The following FAF2 variants were observed in gnomAD, a reference collection of about 807,000 sequenced individuals.
FAF2 encodes the protein Fas associated factor family member 2.
Under a neutral mutation model 62.3 loss-of-function variants are expected in FAF2, and 9 were observed. The observed-to-expected ratio is 0.14, with a 90% CI of 0.09 to 0.25. FAF2 has a LOEUF of 0.25. Ranked by LOEUF, FAF2 falls within the 10% of genes least tolerant of loss-of-function variation. The pLI is 1.00. For synonymous variants in FAF2, 202 were observed against 198.0 expected, an observed-to-expected ratio of 1.02 and a Z score of -0.17; for missense variants, 368 against 556.2, an observed-to-expected ratio of 0.66 and a Z score of 3.40.
intron 1 of FAF2, among the ~76,000 whole-genome samples, chr5:176,459,000 C>G (rs149912561): frequency 3.2e-4 from 49 of 152,182 alleles, no homozygotes; most frequent in African/African-American, 1.2e-3. Flanking sequence ...TAGTAATTGT[C>G]ATAATAATAA....
At chr5:176,489,954 C>T (rs1758945364) in intron 4 of FAF2, among the ~76,000 whole-genome samples, 1 of 152,160 alleles carries the variant, frequency 6.6e-6, no homozygotes, top group South Asian at 2.1e-4. Flanking sequence ...TTCTAGCTTC[C>T]TTCATGTACC....
chr5:176,468,380 C>G (rs999090590), intron 1 of FAF2, among the ~76,000 whole-genome samples: 2 of 151,980 alleles, frequency 1.3e-5, no homozygotes, highest in Admixed American at 1.3e-4. Flanking sequence ...GCCAGGAGAT[C>G]AAGACCATCC....
At chr5:176,499,159 A>G (rs1755550135) in intron 9 of FAF2, 74 bp downstream of exon 9, 2 of 1,405,752 alleles carry the variant, frequency 1.4e-6, no homozygotes, top group Non-Finnish European at 9.4e-7. Flanking sequence ...TTAAGTGTGA[A>G]AGGAAAAAAT....
chr5:176,451,890 ATATTTTTTTTTTT>A (rs1414389260), intron 1 of FAF2, among the ~76,000 whole-genome samples: 425 of 34,120 alleles, frequency 0.012, 20 homozygotes, highest in African/African-American at 0.026. Flanking sequence ...ATATATATAT[ATATTTTTTTTTTT>A]TTTTTTTTTT....
At position 176,502,775 on chromosome 5, in the gene FAF2, C is replaced by T. The variant is rs931968576; in HGVS notation, c.1155+2629C>T. Among the ~76,000 whole-genome samples, 20 of 151,894 alleles carry T rather than the reference C, an allele frequency of 1.3e-4. No homozygotes were observed. The East Asian group carries it at 1.6e-3, about 12-fold the overall frequency. Reference sequence around the variant, plus strand: ...TTTTTAAAAAAGAGTATCGGCTGGGCGTGGTGGCTCATGCCTGTAATCCCA... The same window carrying T: ...TTTTTAAAAAAGAGTATCGGCTGGGTGTGGTGGCTCATGCCTGTAATCCCA... On this transcript the variant is annotated intron_variant, in intron 10 of 10. Coordinates refer to ENST00000261942, the MANE Select transcript of FAF2 (RefSeq NM_014613.3).
chr5:176,459,527 T>A (rs1758337979), intron 1 of FAF2, among the ~76,000 whole-genome samples: 1 of 152,092 alleles, frequency 6.6e-6, no homozygotes, highest in Non-Finnish European at 1.5e-5. Flanking sequence ...AGCTTCTTTT[T>A]TGTTTGTTTG....
intron 2 of FAF2, 129 bp downstream of exon 2, chr5:176,479,385 G>T: frequency 1.4e-6 from 1 of 726,482 alleles, no homozygotes; most frequent in Non-Finnish European, 2.3e-6. Context: ...AAAAATAAAA[G>T]TGCAGGAAGG....
intron 2 of FAF2, among the ~76,000 whole-genome samples, chr5:176,481,207 C>T (rs999228545): frequency 3.3e-5 from 5 of 151,946 alleles, no homozygotes; most frequent in Admixed American, 1.3e-4. Context: ...CCACCACGCC[C>T]GGCTAATTTT....
intron 1 of FAF2, among the ~76,000 whole-genome samples, chr5:176,458,200 C>A (rs1304084920): frequency 6.6e-6 from 1 of 152,038 alleles, no homozygotes. Flanking sequence ...TTCCAGCTCC[C>A]CTTCTTGCGT....
chr5:176,467,885 C>T (rs1227146057), intron 1 of FAF2, among the ~76,000 whole-genome samples: 1 of 152,164 alleles, frequency 6.6e-6, no homozygotes, highest in Non-Finnish European at 1.5e-5. Flanking sequence ...AACTAGAAGG[C>T]TGGGTGTGGT....
chr5:176,481,453 C>G (rs1289262849), intron 2 of FAF2, among the ~76,000 whole-genome samples: 3 of 152,024 alleles, frequency 2.0e-5, no homozygotes, highest in Admixed American at 6.5e-5. Context: ...GTCAGGAGAA[C>G]GAGATCATCC....
intron 1 of FAF2, among the ~76,000 whole-genome samples, chr5:176,455,465 A>C (rs1246087083): frequency 1.4e-4 from 21 of 151,220 alleles, no homozygotes; most frequent in Admixed American, 1.4e-3. Context: ...AAAAGTAAAA[A>C]ATAGCCAGGC....
At chr5:176,506,203 A>AC (rs1273141613) in intron 10 of FAF2, among the ~76,000 whole-genome samples, 1,846 of 144,344 alleles carry the variant, frequency 0.013, 35 homozygotes, top group African/African-American at 0.043. Context: ...AAAAAAAAAA[A>AC]AAACAAAAAA....
intron 4 of FAF2, among the ~76,000 whole-genome samples, chr5:176,491,048 C>T (rs1561825753): frequency 6.6e-6 from 1 of 152,110 alleles, no homozygotes; most frequent in East Asian, 1.9e-4. Flanking sequence ...ATTGTATACA[C>T]AGGGGGAATT....
rs1755567962 is a variant in FAF2, at chr5:176,499,982, CTT to C, written c.1012-19_1012-18del. The C allele has an allele frequency of 1.2e-6, 2 of 1,613,558 alleles. No individual in the cohort carries two copies. The highest frequency in any genetic ancestry group is 1.7e-6 in the Non-Finnish European group (2 of 1,179,838). ...TTTATTTCTTGAGCTGTAGCCTCAC[CTT>C]TGCTTTGTGTCTCTGCAGAATTTAC... is the stretch of plus-strand genomic sequence containing the variant. On this transcript the variant is annotated intron_variant, in intron 9 of 10. Transcript: ENST00000261942.
At chr5:176,488,256 G>A (rs1758908598) in intron 3 of FAF2, among the ~76,000 whole-genome samples, 1 of 152,168 alleles carries the variant, frequency 6.6e-6, no homozygotes, top group Admixed American at 6.5e-5. Context: ...GGGATTACAG[G>A]CGTGAGCCAC....
intron 1 of FAF2, among the ~76,000 whole-genome samples, chr5:176,456,602 T>TA (rs1453638748): frequency 1.3e-5 from 2 of 152,120 alleles, no homozygotes; most frequent in African/African-American, 2.4e-5. Flanking sequence ...GTGCTGGAAT[T>TA]ACGGGTGTGA....
chr5:176,491,244 C>T (rs2113740590), intron 4 of FAF2, among the ~76,000 whole-genome samples: 1 of 152,276 alleles, frequency 6.6e-6, no homozygotes, highest in African/African-American at 2.4e-5. Context: ...TGTTAGGTAA[C>T]ACATTATCCT....
chr5:176,498,820 TACACAC>T, intron 8 of FAF2, 88 bp from the exon 9 acceptor site: 1 of 1,151,522 alleles, frequency 8.7e-7, no homozygotes, highest in Non-Finnish European at 1.2e-6. Flanking sequence ...TCAACATTTT[TACACAC>T]ACACACACAC....
Sources: allele counts gnomAD v4.1 joint callset (sites outside exome capture counted in the v4.1 genomes callset), GRCh38; gene constraint gnomAD v4.1.1; transcripts MANE v1.5; gene names NCBI Gene and HGNC (gene_info 2026-07-23, HGNC 2026-07-21).